TAFA1: variants seen among roughly 807,000 people sequenced by gnomAD.
TAFA1 encodes the protein chemokine-like protein TAFA-1.
Under a neutral mutation model 18.5 loss-of-function variants are expected in TAFA1, and 4 were observed. The observed-to-expected ratio is 0.22, with a 90% CI of 0.11 to 0.49. The LOEUF (loss-of-function observed/expected upper bound fraction) is 0.49. TAFA1 is among the 20% of genes least tolerant of loss of function. The pLI, the probability that TAFA1 is intolerant of heterozygous loss-of-function variation, is 0.98. For missense variants in TAFA1, 147 were observed against 169.0 expected, an observed-to-expected ratio of 0.87 and a Z score of 0.72; for synonymous variants, 56 against 55.2, an observed-to-expected ratio of 1.01 and a Z score of -0.06.
intron 2 of TAFA1, among the ~76,000 whole-genome samples, chr3:68,128,715 G>A (rs1206142089): frequency 1.3e-5 from 2 of 152,132 alleles, no homozygotes; most frequent in Non-Finnish European, 2.9e-5. Flanking sequence ...AGGACTCTGG[G>A]AATCATTTAG....
Position 68,114,138 on chromosome 3 carries a change from C to T in TAFA1, c.118+107394C>T, listed in dbSNP as rs193069726. On this transcript the variant is annotated intron_variant, in intron 2 of 4. Coordinates refer to ENST00000478136, the MANE Select transcript of TAFA1 (RefSeq NM_213609.4). ...CAGGCTGGTCTGGTACAGATCTCTC[C>T]GTGCCCTTAGATCTCTTGGATCCCA... is the stretch of plus-strand genomic sequence containing the variant. Among the ~76,000 whole-genome samples the T allele has an allele frequency of 3.6e-3, 547 of 152,058 alleles. 2 individuals are homozygous for T. Among genetic ancestry groups the T allele is most frequent in the Admixed American group, 7.5e-3 (115 of 15,274 alleles).
chr3:68,271,372 T>TC (rs1170823483), intron 2 of TAFA1, among the ~76,000 whole-genome samples: 1 of 152,078 alleles, frequency 6.6e-6, no homozygotes, highest in Non-Finnish European at 1.5e-5. Context: ...AATCATATTG[T>TC]CCAGGGGATG....
chr3:68,434,443 T>C (rs908358896), intron 3 of TAFA1, among the ~76,000 whole-genome samples: 1 of 152,064 alleles, frequency 6.6e-6, no homozygotes, highest in African/African-American at 2.4e-5. Context: ...CATAGAACCT[T>C]ATTAGATACC....
chr3:68,365,726 A>G (rs2069554811), intron 2 of TAFA1, among the ~76,000 whole-genome samples: 1 of 152,158 alleles, frequency 6.6e-6, no homozygotes, highest in African/African-American at 2.4e-5. Flanking sequence ...TGGAAGGTGA[A>G]AGGCACATAA....
intron 2 of TAFA1, among the ~76,000 whole-genome samples, chr3:68,330,139 A>G (rs1473285717): frequency 1.3e-5 from 2 of 152,186 alleles, no homozygotes; most frequent in African/African-American, 4.8e-5. Flanking sequence ...GGCTTTGTCC[A>G]TGTATCATGG....
At chr3:68,542,301 C>T (rs924663434) in intron 4 of TAFA1, among the ~76,000 whole-genome samples, 4 of 152,052 alleles carry the variant, frequency 2.6e-5, no homozygotes, top group East Asian at 1.9e-4. Context: ...TATTCCTCTG[C>T]GTCTGCTTGA....
At chr3:68,146,436 G>A (rs947153200) in intron 2 of TAFA1, among the ~76,000 whole-genome samples, 5 of 152,218 alleles carry the variant, frequency 3.3e-5, no homozygotes, top group South Asian at 2.1e-4. Flanking sequence ...CTCTCCCAGC[G>A]TTCAGAGGCT....
At chr3:68,034,951 C>T (rs1705014088) in intron 2 of TAFA1, among the ~76,000 whole-genome samples, 1 of 152,150 alleles carries the variant, frequency 6.6e-6, no homozygotes, top group Non-Finnish European at 1.5e-5. Context: ...CATCTTAGGG[C>T]TTGCTCACAA....
At chr3:68,173,553 A>G (rs2066085374) in intron 2 of TAFA1, among the ~76,000 whole-genome samples, 1 of 152,222 alleles carries the variant, frequency 6.6e-6, no homozygotes, top group African/African-American at 2.4e-5. Flanking sequence ...ATATATTTAT[A>G]TGAAGGGCCT....
chr3:68,447,658 G>A (rs1015477914), intron 3 of TAFA1, among the ~76,000 whole-genome samples: 1 of 152,174 alleles, frequency 6.6e-6, no homozygotes, highest in Non-Finnish European at 1.5e-5. Flanking sequence ...ACAGAGTAGT[G>A]TAACTAAAAA....
intron 2 of TAFA1, among the ~76,000 whole-genome samples, chr3:68,205,434 T>C (rs2066514851): frequency 6.6e-6 from 1 of 151,782 alleles, no homozygotes; most frequent in African/African-American, 2.4e-5. Context: ...GGGCCAGGTG[T>C]CCATCAGGAC....
intron 2 of TAFA1, among the ~76,000 whole-genome samples, chr3:68,396,480 T>A (rs1471908529): frequency 6.6e-6 from 1 of 152,218 alleles, no homozygotes; most frequent in African/African-American, 2.4e-5. Context: ...TTTATTTAAA[T>A]GGACTTCTAT....
At chr3:68,225,923 C>T (rs916247469) in intron 2 of TAFA1, among the ~76,000 whole-genome samples, 4 of 151,666 alleles carry the variant, frequency 2.6e-5, no homozygotes, top group South Asian at 2.1e-4. Context: ...CTTTGAAAAC[C>T]ATCAATATGG....
At chr3:68,033,196 A>T (rs2106657259) in intron 2 of TAFA1, among the ~76,000 whole-genome samples, 1 of 152,252 alleles carries the variant, frequency 6.6e-6, no homozygotes, top group South Asian at 2.1e-4. Flanking sequence ...TTGCTATTTC[A>T]TTGTATAAAA....
chr3:68,038,712 G>A (rs954734709), intron 2 of TAFA1, among the ~76,000 whole-genome samples: 16 of 151,834 alleles, frequency 1.1e-4, no homozygotes, highest in Admixed American at 4.6e-4. Flanking sequence ...GTCAATACTC[G>A]TCAGAAAAGC....
intron 2 of TAFA1, among the ~76,000 whole-genome samples, chr3:68,390,564 A>AC (rs1293894664): frequency 2.0e-5 from 3 of 152,158 alleles, no homozygotes; most frequent in Non-Finnish European, 4.4e-5. Flanking sequence ...TGATGGGGAG[A>AC]CACCTCCCAG....
At chr3:68,054,466 T>G (rs2064509210) in intron 2 of TAFA1, among the ~76,000 whole-genome samples, 1 of 152,224 alleles carries the variant, frequency 6.6e-6, no homozygotes, top group Non-Finnish European at 1.5e-5. Flanking sequence ...GCAACATAAC[T>G]ACAAGCCAAA....
intron 1 of TAFA1, among the ~76,000 whole-genome samples, chr3:68,005,738 C>T (rs868503680): frequency 2.0e-5 from 3 of 152,122 alleles, no homozygotes; most frequent in African/African-American, 2.4e-5. Flanking sequence ...TGAGTAAGGA[C>T]GGTGCTTCAA....
intron 2 of TAFA1, among the ~76,000 whole-genome samples, chr3:68,390,404 G>T (rs1231978623): frequency 6.6e-6 from 1 of 152,226 alleles, no homozygotes; most frequent in Non-Finnish European, 1.5e-5. Flanking sequence ...GAGCACCTAT[G>T]GGAAGGGGCA....
Sources: gnomAD v4.1 joint callset for allele counts (sites outside exome capture counted in the v4.1 genomes callset) on GRCh38, gnomAD v4.1.1 for gene constraint, MANE v1.5 for transcripts, NCBI Gene and HGNC (gene_info 2026-07-23, HGNC 2026-07-21) for gene names.